The following MAP3K20 variants were observed in gnomAD, a reference collection of about 807,000 sequenced individuals.
MAP3K20 encodes mitogen-activated protein kinase kinase kinase 20, also known as HCCS-4.
In MAP3K20, 40 loss-of-function variants were observed where a neutral mutation model predicts 85.7. The observed-to-expected ratio is 0.47, with a 90% CI of 0.36 to 0.61. MAP3K20 has a LOEUF of 0.61. MAP3K20 is among the 20% of genes least tolerant of loss of function. The pLI, the probability that MAP3K20 is intolerant of heterozygous loss-of-function variation, is 0.00. For synonymous variants in MAP3K20, 325 were observed against 327.7 expected (o/e 0.99, Z 0.09); for missense variants, 817 against 961.7 (o/e 0.85, Z 1.99).
intron 14 of MAP3K20, among the ~76,000 whole-genome samples, chr2:173,235,015 G>A (rs550465771): frequency 6.6e-6 from 1 of 152,336 alleles, no homozygotes; most frequent in African/African-American, 2.4e-5. Context: ...CAGGTAAGAG[G>A]GCTGTTCTCA....
chr2:173,184,573 T>G (rs1690428901), intron 4 of MAP3K20, among the ~76,000 whole-genome samples: 1 of 152,168 alleles, frequency 6.6e-6, no homozygotes, highest in African/African-American at 2.4e-5. Flanking sequence ...AGAGTGCTAG[T>G]GCTCTGCATC....
At chr2:173,264,843 G>C (rs1323255248) in intron 19 of MAP3K20, among the ~76,000 whole-genome samples, 1 of 152,124 alleles carries the variant, frequency 6.6e-6, no homozygotes, top group African/African-American at 2.4e-5. Context: ...TGGCGGTCAG[G>C]GGGCAGGGGA....
intron 2 of MAP3K20, among the ~76,000 whole-genome samples, chr2:173,144,307 CA>C (rs1689063079): frequency 6.6e-6 from 1 of 151,228 alleles, no homozygotes. Flanking sequence ...ACTAAAAATA[CA>C]AAAAATTAGC....
intron 7 of MAP3K20, chr2:173,192,963 T>C (rs1690706901): frequency 6.6e-6 from 1 of 152,210 alleles, no homozygotes; most frequent in Non-Finnish European, 1.5e-5. Context: ...ATAGTCTTCA[T>C]AGATGCCATA....
Position 173,191,260 on chromosome 2 carries a change from G to T in MAP3K20, c.582+83G>T, listed in dbSNP as rs2106275157. 16 of 1,553,738 alleles carry T rather than the reference G, an allele frequency of 1.0e-5. No homozygotes were observed. In the South Asian group the frequency reaches 2.0e-4, roughly 19 times the overall value. ...AAGAAGAGAGATACAGTTTAACATG[G>T]TTTTATTTTTATTTGAGACTGTACT... On this transcript the variant is annotated intron_variant, in intron 7 of 19. Coordinates refer to ENST00000375213, the MANE Select transcript of MAP3K20 (RefSeq NM_016653.3).
At chr2:173,078,057 A>T (rs1015893336) in intron 1 of MAP3K20, among the ~76,000 whole-genome samples, 1 of 152,232 alleles carries the variant, frequency 6.6e-6, no homozygotes, top group African/African-American at 2.4e-5. Context: ...ATCAGAGAAA[A>T]CACTGAAAAC....
intron 18 of MAP3K20, among the ~76,000 whole-genome samples, chr2:173,261,933 C>T (rs988607552): frequency 6.6e-6 from 1 of 151,622 alleles, no homozygotes; most frequent in East Asian, 1.9e-4. Flanking sequence ...CGGGGGATTG[C>T]TTGAGCCCAG....
At chr2:173,110,229 ATATATATATATATTTTTTTTTT>A (rs1687920925) in intron 2 of MAP3K20, among the ~76,000 whole-genome samples, 2 of 10,316 alleles carry the variant, frequency 1.9e-4, no homozygotes, top group East Asian at 2.9e-3. Context: ...ATATATATAT[ATATATATATATATTTTTTTTTT>A]TTTTTTTTTT....
At chr2:173,203,717 C>G (rs1219505694) in intron 8 of MAP3K20, 79 bp from the exon 9 acceptor site, 1 of 1,074,692 alleles carries the variant, frequency 9.3e-7, no homozygotes, top group South Asian at 1.3e-5. Flanking sequence ...TCTATTATGA[C>G]CCTTCAGATA....
intron 9 of MAP3K20, among the ~76,000 whole-genome samples, chr2:173,206,145 T>C (rs534136285): frequency 6.6e-6 from 1 of 152,350 alleles, no homozygotes; most frequent in East Asian, 1.9e-4. Context: ...TAGATCTCTA[T>C]AATTGTGATT....
intron 2 of MAP3K20, among the ~76,000 whole-genome samples, chr2:173,143,858 A>T (rs1275182805): frequency 1.3e-5 from 2 of 152,208 alleles, no homozygotes; most frequent in Non-Finnish European, 2.9e-5. Context: ...ATTTCTATAT[A>T]CTAGCAGCAA....
intron 4 of MAP3K20, among the ~76,000 whole-genome samples, chr2:173,186,984 T>C (rs546839754): frequency 2.6e-5 from 4 of 152,308 alleles, no homozygotes; most frequent in Admixed American, 1.3e-4. Flanking sequence ...CTGAAGATCA[T>C]AAAATTATTT....
At chr2:173,124,719 G>A (rs1688393338) in intron 2 of MAP3K20, among the ~76,000 whole-genome samples, 1 of 152,202 alleles carries the variant, frequency 6.6e-6, no homozygotes, top group South Asian at 2.1e-4. Context: ...TGGATCTCCT[G>A]CACTCTGCTG....
intron 2 of MAP3K20, among the ~76,000 whole-genome samples, chr2:173,138,112 C>T (rs562601354): frequency 4.6e-4 from 70 of 152,090 alleles, no homozygotes; most frequent in African/African-American, 8.4e-4. Context: ...GGACTACAGG[C>T]GCCCGCCACC....
At chr2:173,107,734 C>G (rs2106168341) in intron 2 of MAP3K20, among the ~76,000 whole-genome samples, 1 of 152,160 alleles carries the variant, frequency 6.6e-6, no homozygotes, top group Non-Finnish European at 1.5e-5. Context: ...CCTTAGTTTC[C>G]TTTTTTATAA....
intron 2 of MAP3K20, among the ~76,000 whole-genome samples, chr2:173,167,589 A>T (rs967244224): frequency 3.3e-5 from 5 of 152,046 alleles, no homozygotes; most frequent in African/African-American, 1.2e-4. Context: ...AAAACTGCAA[A>T]TTTTTTTGCA....
intron 9 of MAP3K20, among the ~76,000 whole-genome samples, chr2:173,204,803 A>T (rs1310110964): frequency 2.6e-5 from 4 of 152,154 alleles, no homozygotes; most frequent in Non-Finnish European, 5.9e-5. Flanking sequence ...TTCCATAATG[A>T]GTTAAAAAAT....
At chr2:173,145,206 A>G (rs1171530539) in intron 2 of MAP3K20, among the ~76,000 whole-genome samples, 1 of 151,878 alleles carries the variant, frequency 6.6e-6, no homozygotes, top group Admixed American at 6.6e-5. Context: ...AGGTACTAAA[A>G]ATAAAATTCC....
At chr2:173,158,406 T>A (rs1689545532) in intron 2 of MAP3K20, among the ~76,000 whole-genome samples, 1 of 152,160 alleles carries the variant, frequency 6.6e-6, no homozygotes, top group African/African-American at 2.4e-5. Context: ...CTTTATTACA[T>A]TTACTAGGCA....
Sources: gnomAD v4.1 joint callset for allele counts (sites outside exome capture counted in the v4.1 genomes callset) on GRCh38, gnomAD v4.1.1 for gene constraint, MANE v1.5 for transcripts, NCBI Gene and HGNC (gene_info 2026-07-23, HGNC 2026-07-21) for gene names.